The following CENPW variants were observed in gnomAD, a reference collection of about 807,000 sequenced individuals.
CENPW encodes the protein cancer-up-regulated gene 2 protein.
Under a neutral mutation model 11.1 loss-of-function variants are expected in CENPW, and 3 were observed. That is an observed-to-expected ratio of 0.27 (90% CI 0.12 to 0.70). The LOEUF (loss-of-function observed/expected upper bound fraction) is 0.70, where lower values mean the gene tolerates loss of function less well. Ranked by LOEUF, CENPW falls within the 30% of genes least tolerant of loss-of-function variation. CENPW has a pLI of 0.77. For synonymous variants in CENPW, 38 were observed against 42.0 expected, an observed-to-expected ratio of 0.91 and a Z score of 0.37; for missense variants, 100 against 105.6, an observed-to-expected ratio of 0.95 and a Z score of 0.23.
At chr6:126,435,474 C>T in the CENPW span, among the ~76,000 whole-genome samples, 1 of 151,716 alleles carries the variant, frequency 6.6e-6, no homozygotes, top group African/African-American at 2.4e-5. Context: ...TAGACTTCAT[C>T]TATCTTATAT....
intron 1 of CENPW, among the ~76,000 whole-genome samples, chr6:126,341,320 A>G (rs1435258556): frequency 6.6e-6 from 1 of 152,170 alleles, no homozygotes; most frequent in East Asian, 1.9e-4. Flanking sequence ...CCAGGAGATC[A>G]AGGTACAGAA....
At chr6:126,478,737 C>T in the CENPW span, among the ~76,000 whole-genome samples, 1 of 151,900 alleles carries the variant, frequency 6.6e-6, no homozygotes, top group Non-Finnish European at 1.5e-5. Context: ...CCCAAATATC[C>T]CAGAACACTG....
intron 1 of CENPW, among the ~76,000 whole-genome samples, chr6:126,342,506 C>T (rs1366964049): frequency 6.6e-6 from 1 of 152,106 alleles, no homozygotes. Flanking sequence ...ATCTCCTTTT[C>T]TGTCTCCCAT....
the CENPW span, among the ~76,000 whole-genome samples, chr6:126,444,049 A>C: frequency 6.8e-6 from 1 of 147,616 alleles, no homozygotes; most frequent in Non-Finnish European, 1.5e-5. Context: ...GACGTCAATC[A>C]GGTCTTTTTT....
chr6:126,360,827 T>C, the CENPW span, among the ~76,000 whole-genome samples: 1 of 152,218 alleles, frequency 6.6e-6, no homozygotes, highest in Non-Finnish European at 1.5e-5. Flanking sequence ...TGGATCATTT[T>C]ACTGGATTCC....
In CENPW at chr6:126,340,213, A is replaced by C; in HGVS notation, c.-61A>C. The C allele has an allele frequency of 1.3e-6, 2 of 1,524,856 alleles. No homozygotes were observed. The highest frequency in any genetic ancestry group is 1.1e-5 in the South Asian group (1 of 87,806). 94.5% of individuals were successfully genotyped at this position (1,524,856 alleles called of 1,614,324 possible). A position where few individuals can be genotyped will look rare whatever the true frequency, so the allele number is the denominator to read the frequency against. On this transcript the variant is annotated 5_prime_UTR_variant, in exon 1 of 3. Coordinates refer to ENST00000368328, the MANE Select transcript of CENPW (RefSeq NM_001012507.4). ...GTTTTCGCTGGCCCAGTGTCCCCGG[A>C]GCTTGTGTGCGATACAGAGAGCACC... is the stretch of plus-strand genomic sequence containing the variant.
the CENPW span, among the ~76,000 whole-genome samples, chr6:126,367,703 A>C: frequency 5.3e-5 from 8 of 152,288 alleles, no homozygotes; most frequent in East Asian, 1.5e-3. Flanking sequence ...AGATTATTCT[A>C]GTAACTGAGT....
chr6:126,465,746 T>G, the CENPW span, among the ~76,000 whole-genome samples: 1,153 of 152,196 alleles, frequency 7.6e-3, 3 homozygotes, highest in Middle Eastern at 0.041. Context: ...GACAAAGGTA[T>G]GAAGACACAT....
At chr6:126,348,437 T>C (rs1029723802) in intron 2 of CENPW, 29 bp from the exon 3 acceptor site, 10 of 1,144,644 alleles carry the variant, frequency 8.7e-6, no homozygotes, top group African/African-American at 1.5e-5. Context: ...ATAGATATAA[T>C]ATGAATCTTA....
At chr6:126,392,251 C>A in the CENPW span, among the ~76,000 whole-genome samples, 82 of 151,822 alleles carry the variant, frequency 5.4e-4, no homozygotes, top group Non-Finnish European at 8.1e-4. Context: ...GGATTACTTT[C>A]TTGATTTCTT....
downstream of CENPW, among the ~76,000 whole-genome samples, chr6:126,350,117 A>G (rs954499208): frequency 6.6e-6 from 1 of 152,132 alleles, no homozygotes; most frequent in Non-Finnish European, 1.5e-5. Context: ...TGTATGGGAA[A>G]TCCACTTTCT....
At chr6:126,384,181 T>C in the CENPW span, among the ~76,000 whole-genome samples, 1 of 152,054 alleles carries the variant, frequency 6.6e-6, no homozygotes, top group Admixed American at 6.6e-5. Context: ...AAGGCAGAAA[T>C]CAAGAAGTTC....
At chr6:126,472,295 G>T in the CENPW span, among the ~76,000 whole-genome samples, 1 of 152,100 alleles carries the variant, frequency 6.6e-6, no homozygotes, top group Admixed American at 6.6e-5. Context: ...ACTTTCTTAT[G>T]CCTGTTTGGA....
At chr6:126,377,263 T>G in the CENPW span, among the ~76,000 whole-genome samples, 32 of 152,286 alleles carry the variant, frequency 2.1e-4, 1 homozygote, top group East Asian at 5.8e-3. Context: ...TTTATGGAAG[T>G]GTGTATACCC....
At chr6:126,359,329 T>G in the CENPW span, among the ~76,000 whole-genome samples, 1 of 151,906 alleles carries the variant, frequency 6.6e-6, no homozygotes, top group Non-Finnish European at 1.5e-5. Context: ...TATTGAGACT[T>G]TCTTTATGAC....
intron 1 of CENPW, among the ~76,000 whole-genome samples, chr6:126,340,927 T>A (rs1216489944): frequency 2.0e-5 from 3 of 152,170 alleles, no homozygotes; most frequent in Non-Finnish European, 4.4e-5. Context: ...AAACATTGCC[T>A]TATTTCCTCT....
chr6:126,397,896 T>C, the CENPW span, among the ~76,000 whole-genome samples: 6 of 152,326 alleles, frequency 3.9e-5, no homozygotes, highest in East Asian at 3.9e-4. Context: ...CCTGTGCTGC[T>C]CTTAACCCTC....
At chr6:126,450,570 T>C in the CENPW span, among the ~76,000 whole-genome samples, 3 of 151,048 alleles carry the variant, frequency 2.0e-5, no homozygotes, top group Non-Finnish European at 3.0e-5. Context: ...GACTTATTAA[T>C]TTTTTAGATA....
Position 126,348,636 on chromosome 6 carries a change from A to C in CENPW, c.*144A>C, listed in dbSNP as rs1242868404. The C allele has an allele frequency of 5.5e-6, 3 of 548,318 alleles. No homozygotes were observed. The South Asian group carries it at 7.6e-5, about 14-fold the overall frequency. The allele number at this position is 548,318 out of a possible 1,614,324, so 34.0% of individuals were successfully genotyped here. A position where few individuals can be genotyped will look rare whatever the true frequency, so the allele number is the denominator to read the frequency against. ...TGTGTGTTTGTATTTTTTTTCTGGCATGAAATATCTCAAGTAAATGCATAG... is the reference window on the plus strand; with the variant it reads ...TGTGTGTTTGTATTTTTTTTCTGGCCTGAAATATCTCAAGTAAATGCATAG... On this transcript the variant is annotated 3_prime_UTR_variant, in exon 3 of 3. Transcript: ENST00000368328.
Sources: gnomAD v4.1 joint callset for allele counts (sites outside exome capture counted in the v4.1 genomes callset) on GRCh38, gnomAD v4.1.1 for gene constraint, MANE v1.5 for transcripts, NCBI Gene and HGNC (gene_info 2026-07-23, HGNC 2026-07-21) for gene names.